CCDC178: variants seen among roughly 807,000 people sequenced by gnomAD.
CCDC178 encodes coiled-coil domain containing 178.
CCDC178 carries 126 observed loss-of-function variants against 117.4 expected under a neutral mutation model. The observed-to-expected ratio is 1.07, with a 90% CI of 0.93 to 1.24. CCDC178 has a LOEUF of 1.24. Ranked by LOEUF, CCDC178 falls within the 50% of genes most tolerant of loss-of-function variation. The pLI is 0.00. For missense variants in CCDC178, 1,030 were observed against 986.9 expected (o/e 1.04, Z -0.59); for synonymous variants, 283 against 313.4 (o/e 0.90, Z 1.02).
chr18:32,970,242 T>C (rs1292634703), intron 22 of CCDC178, among the ~76,000 whole-genome samples: 2 of 151,996 alleles, frequency 1.3e-5, no homozygotes, highest in Non-Finnish European at 2.9e-5. Context: ...CCTGGTTTTC[T>C]GCCAACTGTA....
chr18:33,283,964 T>C (rs878880370), intron 12 of CCDC178, among the ~76,000 whole-genome samples: 6 of 152,230 alleles, frequency 3.9e-5, no homozygotes, highest in Admixed American at 3.9e-4. Flanking sequence ...CGTATGTTCA[T>C]TGCAGCACTA....
At chr18:32,994,066 TAC>T (rs977773068) in intron 21 of CCDC178, among the ~76,000 whole-genome samples, 10 of 152,074 alleles carry the variant, frequency 6.6e-5, no homozygotes, top group Admixed American at 6.5e-4. Context: ...TCCATGATCT[TAC>T]AGAGTCCTAA....
intron 10 of CCDC178, among the ~76,000 whole-genome samples, chr18:33,329,990 A>C (rs1366777241): frequency 7.7e-6 from 1 of 129,620 alleles, no homozygotes; most frequent in Non-Finnish European, 1.6e-5. Flanking sequence ...GGAGGTGGTT[A>C]ATCACTTATT....
chr18:33,051,880 T>A (rs1420754506), intron 21 of CCDC178, among the ~76,000 whole-genome samples: 1 of 152,232 alleles, frequency 6.6e-6, no homozygotes, highest in Non-Finnish European at 1.5e-5. Context: ...AGCTGTGTAT[T>A]CAAATGGGTT....
intron 22 of CCDC178, among the ~76,000 whole-genome samples, chr18:32,961,944 T>C (rs991310113): frequency 6.6e-6 from 1 of 152,044 alleles, no homozygotes; most frequent in Non-Finnish European, 1.5e-5. Context: ...AGATCTATTG[T>C]TATTTTTTCT....
At chr18:33,191,039 T>C (rs1425129456) in intron 20 of CCDC178, among the ~76,000 whole-genome samples, 2 of 152,194 alleles carry the variant, frequency 1.3e-5, no homozygotes, top group African/African-American at 4.8e-5. Flanking sequence ...AGTAATTATA[T>C]GTATCAATTA....
At chr18:33,423,617 G>A (rs932223532) in intron 2 of CCDC178, among the ~76,000 whole-genome samples, 16 of 152,064 alleles carry the variant, frequency 1.1e-4, no homozygotes, top group African/African-American at 1.9e-4. Context: ...GGCATGTGGG[G>A]AAACACATGT....
intron 5 of CCDC178, among the ~76,000 whole-genome samples, chr18:33,382,647 T>C (rs2063450575): frequency 1.3e-5 from 2 of 151,902 alleles, no homozygotes; most frequent in Admixed American, 1.3e-4. Context: ...CCAGCGGGGG[T>C]ACTACACTTT....
intron 22 of CCDC178, among the ~76,000 whole-genome samples, chr18:32,964,757 G>C (rs541059670): frequency 6.6e-6 from 1 of 151,814 alleles, no homozygotes; most frequent in African/African-American, 2.4e-5. Flanking sequence ...CATTCAGAGC[G>C]GTTAAGTGTA....
intron 5 of CCDC178, among the ~76,000 whole-genome samples, chr18:33,384,111 T>A (rs1309080503): frequency 6.6e-6 from 1 of 151,844 alleles, no homozygotes; most frequent in African/African-American, 2.4e-5. Context: ...AGAGAGAATA[T>A]CAGAGCTTGA....
At chr18:33,294,467 T>C (rs367602730) in intron 11 of CCDC178, among the ~76,000 whole-genome samples, 1 of 152,160 alleles carries the variant, frequency 6.6e-6, no homozygotes, top group Non-Finnish European at 1.5e-5. Flanking sequence ...ACAGAGAATA[T>C]GAACAATCAC....
intron 21 of CCDC178, among the ~76,000 whole-genome samples, chr18:33,070,703 G>A (rs1179016822): frequency 1.3e-5 from 2 of 151,958 alleles, no homozygotes; most frequent in African/African-American, 2.4e-5. Flanking sequence ...AAATGTTTGA[G>A]GTGATGGATA....
In CCDC178 at chr18:33,276,203, AAATAAATGAATGTTTCATTTT is replaced by A. The variant is rs1245575373; in HGVS notation, c.1177-8927_1177-8907del. ...GCATTCTTTGGCCTAGAAATTCACA[AAATAAATGAATGTTTCATTTT>A]AATAAATGAATGCATTTCAGTGCAT... On this transcript the variant is annotated intron_variant, in intron 12 of 22. Transcript: ENST00000383096. Among the ~76,000 whole-genome samples the A allele has an allele frequency of 4.3e-4, 66 of 152,218 alleles. No homozygotes were observed. In the East Asian group the frequency reaches 7.7e-3, roughly 18 times the overall value.
intron 11 of CCDC178, among the ~76,000 whole-genome samples, chr18:33,311,246 G>A (rs552627889): frequency 2.0e-5 from 3 of 152,188 alleles, no homozygotes; most frequent in Non-Finnish European, 4.4e-5. Context: ...GAGCCCATAA[G>A]TACAAGACAA....
chr18:33,327,113 T>C (rs1199225712), intron 10 of CCDC178, among the ~76,000 whole-genome samples: 1 of 152,210 alleles, frequency 6.6e-6, no homozygotes, highest in Non-Finnish European at 1.5e-5. Context: ...CAAAACTCGA[T>C]ATTACATTTC....
In CCDC178 at chr18:33,245,239, C is replaced by G; in HGVS notation, c.1593+6G>C. ...CATGAGTAAGAGGAACACAAAGATA[C>G]ACAACCTTGAACTTTCTTCTCACTT... On this transcript the variant is annotated splice_donor_region_variant and intron_variant, in intron 15 of 22. Transcript: ENST00000383096. 1 of 1,563,332 alleles carries G rather than the reference C, an allele frequency of 6.4e-7. No homozygotes were observed. Among genetic ancestry groups the G allele is most frequent in the Non-Finnish European group, 8.6e-7 (1 of 1,158,728 alleles).
intron 22 of CCDC178, among the ~76,000 whole-genome samples, chr18:32,963,536 C>A (rs1228495151): frequency 6.6e-6 from 1 of 151,952 alleles, no homozygotes; most frequent in Non-Finnish European, 1.5e-5. Flanking sequence ...CATTTTTATG[C>A]TCTACTAATA....
In CCDC178 at chr18:33,074,352, C is replaced by G. The variant is rs138630357; in HGVS notation, c.2388+18409G>C. On this transcript the variant is annotated intron_variant, in intron 21 of 22. Transcript: ENST00000383096. ...TATGCCCTGTTCCAATCACTGCTTC[C>G]TACCAAGGGTAACTACTCCCGCGAC... Among the ~76,000 whole-genome samples, 328 of 152,256 alleles carry G rather than the reference C, an allele frequency of 2.2e-3. 1 individual carries two copies. The highest frequency in any genetic ancestry group is 8.3e-3 in the South Asian group (40 of 4,822).
intron 11 of CCDC178, among the ~76,000 whole-genome samples, chr18:33,296,340 C>T (rs1345246976): frequency 1.3e-5 from 2 of 151,688 alleles, no homozygotes; most frequent in East Asian, 1.9e-4. Context: ...GTATTCTGAT[C>T]GTAGTGGTAG....
Sources: allele counts gnomAD v4.1 joint callset (sites outside exome capture counted in the v4.1 genomes callset), GRCh38; gene constraint gnomAD v4.1.1; transcripts MANE v1.5; gene names NCBI Gene and HGNC (gene_info 2026-07-23, HGNC 2026-07-21).